Variants in C19orf38 observed in about 807,000 individuals in gnomAD.
C19orf38 encodes the protein protein HIDE1.
Under a neutral mutation model 26.6 loss-of-function variants are expected in C19orf38, and 14 were observed. The ratio of observed to expected loss-of-function variants is 0.53; its 90% CI spans 0.35 to 0.82. C19orf38 has a LOEUF of 0.82. Among genes scored for constraint, C19orf38 ranks in the 40% least tolerant of loss-of-function variants. The probability of loss-of-function intolerance (pLI) is 0.01; values close to 1 mark genes in which losing one functional copy is unlikely to be tolerated. For missense variants in C19orf38, 261 were observed against 299.5 expected (o/e 0.87, Z 0.95); for synonymous variants, 132 against 128.5 (o/e 1.03, Z -0.18).
Position 10,869,316 on chromosome 19 carries a change from GTCC to G in C19orf38, c.648_650del (p.Ser217del), listed in dbSNP as rs1568341263. 7.1e-6 allele frequency: 11 copies of G among 1,551,540 alleles called. No homozygotes were observed. In the South Asian group the frequency reaches 1.2e-4, roughly 17 times the overall value. ...GGACCCGGAAGAGGCCCACTTCCAC[GTCC>G]TCCTCGCCTGAGACCCCCGAATTCA... On this transcript the variant is annotated inframe_deletion, in exon 7 of 7. Coordinates refer to ENST00000397820, the MANE Select transcript of C19orf38 (RefSeq NM_001136482.3).
chr19:10,853,297 C>A (rs2146257058), intron 2 of C19orf38, among the ~76,000 whole-genome samples: 1 of 151,938 alleles, frequency 6.6e-6, no homozygotes, highest in Admixed American at 6.6e-5. Flanking sequence ...GGTGTGACCC[C>A]AGCTCACTGC....
intron 2 of C19orf38, among the ~76,000 whole-genome samples, chr19:10,856,027 A>G (rs2073621863): frequency 6.6e-6 from 1 of 152,164 alleles, no homozygotes; most frequent in Admixed American, 6.6e-5. Context: ...TGGTACCACC[A>G]AAGTCCCAGA....
chr19:10,848,787 C>T (rs186641591), intron 1 of C19orf38, among the ~76,000 whole-genome samples: 139 of 152,186 alleles, frequency 9.1e-4, no homozygotes, highest in African/African-American at 3.3e-3. Context: ...CTGGAGTCAG[C>T]TGTGCCCACA....
chr19:10,864,917 G>A (rs976801386), intron 6 of C19orf38, among the ~76,000 whole-genome samples: 6 of 152,200 alleles, frequency 3.9e-5, no homozygotes, highest in Non-Finnish European at 8.8e-5. Context: ...GTTCAGGAGA[G>A]AGGTCAGTTC....
rs1276935930 is a variant in C19orf38 at position 10,850,512 on chromosome 19, G to A, written c.285G>A (p.Glu95=). The A allele has an allele frequency of 7.1e-6, 11 of 1,551,506 alleles. No homozygotes were observed. The highest frequency in any genetic ancestry group is 2.6e-6 in the Non-Finnish European group (3 of 1,146,986). Reference sequence around the variant, plus strand: ...ACTGCCAGTATGGAGTGTTAGGTGAGCTCAACCAGTCCCAGCTGTCAGACC... The same window carrying A: ...ACTGCCAGTATGGAGTGTTAGGTGAACTCAACCAGTCCCAGCTGTCAGACC... The part of the protein sequence containing the change: ...PFHCQYGVLG[E]LNQSQLSDLS... The change falls in exon 2 of 7, where the codon GAG becomes GAA. Residue 95 remains glutamate (E), a synonymous_variant. Coordinates refer to ENST00000397820, the MANE Select transcript of C19orf38 (RefSeq NM_001136482.3).
chr19:10,860,534 CAAAAAA>C (rs900601654), intron 5 of C19orf38, among the ~76,000 whole-genome samples: 3 of 21,834 alleles, frequency 1.4e-4, no homozygotes, highest in East Asian at 1.6e-3. Context: ...GACTCCATCT[CAAAAAA>C]AAAAAAAAAA....
Position 10,869,558 on chromosome 19 carries a change from C to T in C19orf38, c.*191C>T, listed in dbSNP as rs918793270. ...ACACAGGCATGGGCCTGGCACTATA[C>T]AGACAACAGGAAGTTCCCCTCTCGA... On this transcript the variant is annotated 3_prime_UTR_variant, in exon 7 of 7. Transcript: ENST00000397820. The T allele has an allele frequency of 1.3e-6, 1 of 783,320 alleles. No homozygotes were observed. The highest frequency in any genetic ancestry group is 1.9e-6 in the Non-Finnish European group (1 of 522,894). The allele number at this position is 783,320 out of a possible 1,614,324, so 48.5% of individuals were successfully genotyped here. A position where few individuals can be genotyped will look rare whatever the true frequency, so the allele number is the denominator to read the frequency against.
chr19:10,845,941 G>A (rs2073512682), upstream of C19orf38, among the ~76,000 whole-genome samples: 1 of 151,470 alleles, frequency 6.6e-6, no homozygotes, highest in South Asian at 2.1e-4. Flanking sequence ...CACTTTGGGA[G>A]GCTGAGTCAG....
intron 1 of C19orf38, chr19:10,836,919 G>C (rs2146230028): frequency 6.6e-6 from 1 of 152,456 alleles, no homozygotes; most frequent in African/African-American, 2.4e-5. Context: ...TCAGACTCAA[G>C]GGCCAGCAGG....
rs536430421 is a variant in C19orf38, at chr19:10,868,536, C to G, written c.544-682C>G. Among the ~76,000 whole-genome samples the G allele has an allele frequency of 2.0e-5, 3 of 152,154 alleles. No homozygotes were observed. In the East Asian group the frequency reaches 5.8e-4, roughly 29 times the overall value. ...TTTTTATTTATTTATTTTTTTGAGA[C>G]CAAGTCTCACTTTGTTCCCCAGGCT... On this transcript the variant is annotated intron_variant, in intron 6 of 6. Coordinates refer to ENST00000397820, the MANE Select transcript of C19orf38 (RefSeq NM_001136482.3).
intron 2 of C19orf38, 125 bp downstream of exon 2, chr19:10,850,692 C>G: frequency 9.6e-7 from 1 of 1,044,102 alleles, no homozygotes; most frequent in Non-Finnish European, 1.4e-6. Context: ...AGGACTTACT[C>G]GCCTTTCCTT....
At chr19:10,839,479 C>G (rs1249356194) in intron 1 of C19orf38, among the ~76,000 whole-genome samples, 4 of 152,146 alleles carry the variant, frequency 2.6e-5, no homozygotes, top group Admixed American at 6.5e-5. Context: ...TAAATACTTT[C>G]TATCTCCTGT....
At chr19:10,865,390 G>A (rs80160484) in intron 6 of C19orf38, among the ~76,000 whole-genome samples, 5,834 of 152,194 alleles carry the variant, frequency 0.038, 458 homozygotes, top group East Asian at 0.36. Context: ...CAGGTGATCC[G>A]CCCGCCTTGG....
At chr19:10,848,650 CGAG>C in intron 1 of C19orf38, 111 bp downstream of exon 1, 1 of 1,036,758 alleles carries the variant, frequency 9.6e-7, no homozygotes, top group South Asian at 1.4e-5. Context: ...CTCAGGGCAT[CGAG>C]GAGGCTGAGC....
At chr19:10,849,038 T>G (rs1241131769) in intron 1 of C19orf38, among the ~76,000 whole-genome samples, 1 of 152,042 alleles carries the variant, frequency 6.6e-6, no homozygotes, top group Non-Finnish European at 1.5e-5. Context: ...TCCGTATTCT[T>G]CACCCAAGCC....
At chr19:10,853,435 C>T (rs1264349163) in intron 2 of C19orf38, among the ~76,000 whole-genome samples, 1 of 145,448 alleles carries the variant, frequency 6.9e-6, no homozygotes, top group Non-Finnish European at 1.5e-5. Context: ...TACAGGCGTG[C>T]ACCACCATGC....
At chr19:10,840,947 T>TTTTGTTTGTTTG (rs569452694) in intron 1 of C19orf38, among the ~76,000 whole-genome samples, 2 of 152,166 alleles carry the variant, frequency 1.3e-5, no homozygotes, top group African/African-American at 4.8e-5. Context: ...GTTTTGTATT[T>TTTTGTTTGTTTG]TTTGTTTGTT....
chr19:10,842,652 G>T (rs999526500), intron 1 of C19orf38, among the ~76,000 whole-genome samples: 11 of 152,154 alleles, frequency 7.2e-5, no homozygotes, highest in African/African-American at 1.9e-4. Flanking sequence ...CAGGAGGATC[G>T]CTTGAGCCCA....
intron 3 of C19orf38, 63 bp from the exon 4 acceptor site, chr19:10,858,253 C>T (rs1221330786): frequency 3.1e-6 from 1 of 320,814 alleles, no homozygotes; most frequent in Non-Finnish European, 5.0e-6. Context: ...AAAAAAAAAA[C>T]AGAAATTGCC....
Sources: gnomAD v4.1 joint callset for allele counts (sites outside exome capture counted in the v4.1 genomes callset) on GRCh38, gnomAD v4.1.1 for gene constraint, MANE v1.5 for transcripts, NCBI Gene and HGNC (gene_info 2026-07-23, HGNC 2026-07-21) for gene names.